Variants in TIAM2 observed in about 807,000 individuals in gnomAD.
The protein encoded by TIAM2 is rho guanine nucleotide exchange factor TIAM2.
Under a neutral mutation model 152.9 loss-of-function variants are expected in TIAM2, and 80 were observed. The ratio of observed to expected loss-of-function variants is 0.52; its 90% CI spans 0.44 to 0.63. The LOEUF is 0.63. TIAM2 is among the 30% of genes least tolerant of loss of function. TIAM2 has a pLI of 0.00. For synonymous variants in TIAM2, 804 were observed against 838.0 expected (o/e 0.96, Z 0.70); for missense variants, 1,965 against 2,120.1 (o/e 0.93, Z 1.44).
At chr6:155,248,262 A>C in intron 20 of TIAM2, 83 bp downstream of exon 20, 126 of 1,456,920 alleles carry the variant, frequency 8.6e-5, no homozygotes, top group Middle Eastern at 2.5e-4. Flanking sequence ...CTGACAGCTC[A>C]CCTCTTCCCC....
At chr6:155,219,920 C>A (rs1298177469) in intron 15 of TIAM2, among the ~76,000 whole-genome samples, 2 of 152,164 alleles carry the variant, frequency 1.3e-5, no homozygotes, top group Non-Finnish European at 2.9e-5. Context: ...AGACAGCGTT[C>A]CAAGCAAGTG....
At position 155,130,182 on chromosome 6, in the gene TIAM2, A is replaced by G; in HGVS notation, c.959A>G (p.Asp320Gly). The G allele has an allele frequency of 6.2e-7, 1 of 1,614,092 alleles. No homozygotes were observed. The highest frequency in any genetic ancestry group is 8.5e-7 in the Non-Finnish European group (1 of 1,180,026). The change falls in exon 4 of 27, where the codon GAT (aspartate) becomes GGT (glycine). Residue 320 changes from aspartate to glycine, a missense_variant. Asp to Gly is a moderately conservative substitution (Grantham distance 94, BLOSUM62 -1). Coordinates refer to ENST00000682666, the MANE Select transcript of TIAM2 (RefSeq NM_012454.4). The stretch of plus-strand genomic sequence containing the variant: ...TCCCCCTCAGGTATCCGCCTTTCTG[A>G]TGAATACATGGGCACGCATGCCAGC... ...SLSPSGIRLS[D>G]EYMGTHASLS... is the part of the protein sequence containing the mutation.
In TIAM2 at chr6:155,148,094, C is replaced by T. The variant is rs527797532; in HGVS notation, c.1804-16C>T. The T allele has an allele frequency of 5.0e-6, 8 of 1,612,870 alleles. No individual in the cohort carries two copies. The African/African-American group carries it at 5.3e-5, about 11-fold the overall frequency. ...TAAAATGATTCGAAACAGGCTTTCT[C>T]CCTCCCTGTGTGTAGGCCACCAGCC... On this transcript the variant is annotated splice_polypyrimidine_tract_variant and intron_variant, in intron 6 of 26. Coordinates refer to ENST00000682666, the MANE Select transcript of TIAM2 (RefSeq NM_012454.4).
At chr6:155,049,486 A>G (rs1464909973) in intron 1 of TIAM2, among the ~76,000 whole-genome samples, 2 of 152,076 alleles carry the variant, frequency 1.3e-5, no homozygotes, top group Non-Finnish European at 2.9e-5. Flanking sequence ...CTCATTAGCA[A>G]TGGGTCATTA....
At chr6:155,166,954 G>T (rs1404552236) in intron 9 of TIAM2, among the ~76,000 whole-genome samples, 2 of 152,228 alleles carry the variant, frequency 1.3e-5, no homozygotes, top group Admixed American at 6.5e-5. Context: ...TCATTGGAAA[G>T]AGAGTCACAT....
intron 1 of TIAM2, among the ~76,000 whole-genome samples, chr6:155,024,635 G>T (rs1265227210): frequency 3.8e-5 from 5 of 131,238 alleles, no homozygotes; most frequent in African/African-American, 1.4e-4. Context: ...CTCAAATGTG[G>T]TATAAATCCA....
chr6:155,161,062 G>A (rs141185699), intron 7 of TIAM2, among the ~76,000 whole-genome samples: 1 of 152,318 alleles, frequency 6.6e-6, no homozygotes, highest in East Asian at 1.9e-4. Flanking sequence ...CTGGGTCCAT[G>A]TTCTCCCTCT....
At position 155,170,848 on chromosome 6, in the gene TIAM2, G is replaced by C. The variant is rs532177921; in HGVS notation, c.2361+5439G>C. Among the ~76,000 whole-genome samples the C allele has an allele frequency of 2.6e-5, 4 of 152,252 alleles. No individual in the cohort carries two copies. The South Asian group carries it at 8.3e-4, about 32-fold the overall frequency. On this transcript the variant is annotated intron_variant, in intron 9 of 26. Transcript: ENST00000682666. ...TTACTTGTGATGTAGGGATACTGAA[G>C]AAATTCCTTTCATTTATAGGACAAT...
chr6:155,038,058 G>A (rs192725623), intron 1 of TIAM2, among the ~76,000 whole-genome samples: 67 of 152,266 alleles, frequency 4.4e-4, no homozygotes, highest in Middle Eastern at 3.4e-3. Flanking sequence ...TTCTTGCTGA[G>A]TTGTTAAATA....
intron 1 of TIAM2, among the ~76,000 whole-genome samples, chr6:155,068,856 A>T (rs781111147): frequency 1.3e-5 from 2 of 152,166 alleles, no homozygotes; most frequent in Non-Finnish European, 2.9e-5. Flanking sequence ...TCTTCAGGAA[A>T]TGCTGAGTGA....
intron 15 of TIAM2, chr6:155,232,411 T>C (rs146828101): frequency 6.6e-6 from 1 of 152,358 alleles, no homozygotes; most frequent in African/African-American, 2.4e-5. Context: ...CTGGGAATAT[T>C]GTAAGTGCTC....
intron 2 of TIAM2, among the ~76,000 whole-genome samples, chr6:155,100,994 C>T (rs1778537884): frequency 1.3e-5 from 2 of 152,186 alleles, no homozygotes; most frequent in South Asian, 4.1e-4. Flanking sequence ...CAATGAATTG[C>T]ACGTCAGTTG....
chr6:155,229,957 C>T (rs541275963), intron 15 of TIAM2, among the ~76,000 whole-genome samples: 2 of 152,124 alleles, frequency 1.3e-5, no homozygotes, highest in Admixed American at 6.5e-5. Context: ...AGAAACCCAC[C>T]CCCATGATTC....
At chr6:155,169,824 AT>A (rs112991074) in intron 9 of TIAM2, among the ~76,000 whole-genome samples, 15,748 of 147,464 alleles carry the variant, frequency 0.11, 897 homozygotes, top group Middle Eastern at 0.17. Flanking sequence ...CCACCAAATA[AT>A]TTTTTTTTTT....
chr6:155,164,206 C>T (rs1780356898), intron 7 of TIAM2, among the ~76,000 whole-genome samples: 1 of 147,342 alleles, frequency 6.8e-6, no homozygotes, highest in South Asian at 2.2e-4. Context: ...AATGCCTGAC[C>T]TTCAGTGATC....
intron 21 of TIAM2, 51 bp downstream of exon 21, chr6:155,250,020 T>C (rs1300185095): frequency 7.1e-7 from 1 of 1,410,462 alleles, no homozygotes; most frequent in African/African-American, 1.4e-5. Context: ...GTGTGGGGTC[T>C]GTAGGTGACC....
intron 14 of TIAM2, among the ~76,000 whole-genome samples, chr6:155,190,001 G>A (rs1452496306): frequency 2.0e-5 from 3 of 152,192 alleles, no homozygotes; most frequent in Admixed American, 6.5e-5. Context: ...TAGAGGTCAC[G>A]GGAAGAAAGG....
chr6:155,215,818 A>C (rs983080731), intron 15 of TIAM2, among the ~76,000 whole-genome samples: 1 of 99,452 alleles, frequency 1.0e-5, no homozygotes, highest in Non-Finnish European at 2.2e-5. Context: ...GTTTTATTTT[A>C]TTTTTTTGAG....
chr6:155,039,238 G>A (rs1359700150), intron 1 of TIAM2, among the ~76,000 whole-genome samples: 2 of 151,794 alleles, frequency 1.3e-5, no homozygotes, highest in Non-Finnish European at 2.9e-5. Flanking sequence ...TGGGATTACA[G>A]ATGTGAGCCA....
Sources: gnomAD v4.1 joint callset for allele counts (sites outside exome capture counted in the v4.1 genomes callset) on GRCh38, gnomAD v4.1.1 for gene constraint, MANE v1.5 for transcripts, NCBI Gene and HGNC (gene_info 2026-07-23, HGNC 2026-07-21) for gene names.